R3HDM1: variants seen among roughly 807,000 people sequenced by gnomAD.
R3HDM1 encodes the protein R3H domain-containing protein 1.
In R3HDM1, 46 loss-of-function variants were observed where a neutral mutation model predicts 141.1. That is an observed-to-expected ratio of 0.33 (90% CI 0.26 to 0.42). The LOEUF is 0.42. R3HDM1 is among the 10% of genes least tolerant of loss of function. R3HDM1 has a pLI of 1.00. For synonymous variants in R3HDM1, 435 were observed against 472.9 expected, an observed-to-expected ratio of 0.92 and a Z score of 1.04; for missense variants, 1,184 against 1,368.3, an observed-to-expected ratio of 0.87 and a Z score of 2.12.
chr2:135,615,862 A>G (rs1269936459), intron 3 of R3HDM1, among the ~76,000 whole-genome samples: 1 of 152,224 alleles, frequency 6.6e-6, no homozygotes, highest in Admixed American at 6.5e-5. Flanking sequence ...AAGTCACCAT[A>G]TAAGTTCCAT....
At chr2:135,584,000 A>C (rs1707335523) in intron 1 of R3HDM1, 1 of 985,250 alleles carries the variant, frequency 1.0e-6, no homozygotes, top group Non-Finnish European at 1.2e-6. Context: ...GATAGCACAA[A>C]ATTTAAGGTG....
intron 20 of R3HDM1, among the ~76,000 whole-genome samples, chr2:135,676,301 G>T (rs1379213639): frequency 6.6e-6 from 1 of 151,980 alleles, no homozygotes; most frequent in Non-Finnish European, 1.5e-5. Context: ...TGGGCAACAG[G>T]CAGACTCCAT....
chr2:135,688,384 C>T (rs959201922), intron 21 of R3HDM1, among the ~76,000 whole-genome samples: 1 of 151,956 alleles, frequency 6.6e-6, no homozygotes, highest in Non-Finnish European at 1.5e-5. Flanking sequence ...AAATAACATC[C>T]GAAATAGATG....
At chr2:135,618,870 A>T (rs984547050) in intron 5 of R3HDM1, among the ~76,000 whole-genome samples, 18 of 151,996 alleles carry the variant, frequency 1.2e-4, no homozygotes, top group African/African-American at 4.3e-4. Context: ...AAATACAAAA[A>T]TTAGGCAGGT....
intron 1 of R3HDM1, among the ~76,000 whole-genome samples, chr2:135,545,782 T>C (rs910568832): frequency 2.0e-5 from 3 of 152,218 alleles, no homozygotes; most frequent in African/African-American, 7.2e-5. Flanking sequence ...AACACCAATC[T>C]TTAATCTCCA....
At chr2:135,622,540 T>G in intron 6 of R3HDM1, 114 bp from the exon 7 acceptor site, 1 of 1,355,668 alleles carries the variant, frequency 7.4e-7, no homozygotes, top group Non-Finnish European at 9.5e-7. Context: ...TGTCGAATTT[T>G]TTTCAATGTG....
At chr2:135,633,479 C>G (rs540428315) in intron 9 of R3HDM1, among the ~76,000 whole-genome samples, 2 of 152,062 alleles carry the variant, frequency 1.3e-5, no homozygotes, top group Admixed American at 6.6e-5. Context: ...CTGTCTTTAT[C>G]AAGATAATCA....
intron 19 of R3HDM1, among the ~76,000 whole-genome samples, chr2:135,666,015 A>G (rs1195936036): frequency 6.6e-6 from 1 of 152,240 alleles, no homozygotes; most frequent in African/African-American, 2.4e-5. Flanking sequence ...AACTTCAAAG[A>G]TTATCAATGT....
At position 135,661,229 on chromosome 2, in the gene R3HDM1, C is replaced by G. The variant is rs527287926; in HGVS notation, c.2029-41C>G. 345 of 1,608,782 alleles carry G rather than the reference C, an allele frequency of 2.1e-4. 4 individuals are homozygous for G. The South Asian group carries it at 3.1e-3, about 14-fold the overall frequency. Reference sequence around the variant, plus strand: ...TCCTCACAGAAAAACATATGTAATGCAAGTAAAATTGATTTTTTCCCGCAA... The same window carrying G: ...TCCTCACAGAAAAACATATGTAATGGAAGTAAAATTGATTTTTTCCCGCAA... On this transcript the variant is annotated intron_variant, in intron 18 of 26. Coordinates refer to ENST00000683871, the MANE Select transcript of R3HDM1 (RefSeq NM_001378107.1).
intron 19 of R3HDM1, among the ~76,000 whole-genome samples, chr2:135,662,536 A>G (rs1029533095): frequency 3.3e-5 from 5 of 152,132 alleles, no homozygotes; most frequent in Non-Finnish European, 5.9e-5. Context: ...CCTTTTTAGT[A>G]TGTTACTAGC....
intron 1 of R3HDM1, among the ~76,000 whole-genome samples, chr2:135,545,452 A>G (rs1407917625): frequency 2.0e-5 from 3 of 152,230 alleles, no homozygotes; most frequent in Non-Finnish European, 4.4e-5. Flanking sequence ...ATCTCTTGAC[A>G]TTCAAGCAAA....
In R3HDM1 at chr2:135,703,040, C is replaced by G. The variant is rs114867470; in HGVS notation, c.2460-6393C>G. On this transcript the variant is annotated intron_variant, in intron 21 of 26. Coordinates refer to ENST00000683871, the MANE Select transcript of R3HDM1 (RefSeq NM_001378107.1). ...GCGCTGGTCAGAATATGCCCCATCT[C>G]AAGATCAGTCATTCTCCAGGAGCAT... 2.4e-3 allele frequency among the ~76,000 whole-genome samples: 362 copies of G among 152,298 alleles called. 4 individuals are homozygous for G. The highest frequency in any genetic ancestry group is 8.3e-3 in the African/African-American group (346 of 41,556).
rs529674026 is a variant in R3HDM1 at position 135,551,408 on chromosome 2, T to C, written c.-250+19775T>C. Among the ~76,000 whole-genome samples, 503 of 152,298 alleles carry C rather than the reference T, an allele frequency of 3.3e-3. 5 individuals carry two copies. Among genetic ancestry groups the C allele is most frequent in the South Asian group, 7.9e-3 (38 of 4,832 alleles). On this transcript the variant is annotated intron_variant, in intron 1 of 26. Transcript: ENST00000683871. ...CGGGACCATTTAGCACAGAATAAAT[T>C]GTCCATGTACCTAGTAGAATGAAAA... is the stretch of plus-strand genomic sequence containing the variant.
At chr2:135,559,656 C>T (rs1245023651) in intron 1 of R3HDM1, among the ~76,000 whole-genome samples, 2 of 152,212 alleles carry the variant, frequency 1.3e-5, no homozygotes, top group South Asian at 2.1e-4. Context: ...CTCCTTCCTG[C>T]AGTAGGATCC....
At chr2:135,548,438 T>C (rs1469222727) in intron 1 of R3HDM1, among the ~76,000 whole-genome samples, 2 of 152,248 alleles carry the variant, frequency 1.3e-5, no homozygotes, top group Non-Finnish European at 2.9e-5. Context: ...CATATGCATT[T>C]AGAAAAATGC....
intron 5 of R3HDM1, chr2:135,619,791 A>G (rs966516743): frequency 2.3e-6 from 2 of 877,244 alleles, no homozygotes; most frequent in Non-Finnish European, 1.4e-6. Flanking sequence ...CATTATTCAA[A>G]AAGTTGAGAG....
intron 17 of R3HDM1, chr2:135,650,504 T>C: frequency 1.0e-6 from 1 of 981,868 alleles, no homozygotes; most frequent in Non-Finnish European, 1.2e-6. Context: ...CTTTCTTCTA[T>C]CCAAAGTATG....
At chr2:135,620,109 T>C (rs2061401445) in intron 5 of R3HDM1, 3 of 165,904 alleles carry the variant, frequency 1.8e-5, no homozygotes, top group Middle Eastern at 2.8e-3. Context: ...AATTAAAATA[T>C]ATGGCTTTTT....
intron 1 of R3HDM1, among the ~76,000 whole-genome samples, chr2:135,575,287 ATTC>A (rs1370002375): frequency 1.3e-5 from 2 of 152,158 alleles, no homozygotes; most frequent in Non-Finnish European, 1.5e-5. Flanking sequence ...GGTTCAAGCA[ATTC>A]TTCTGCCTCA....
Sources: allele counts gnomAD v4.1 joint callset (sites outside exome capture counted in the v4.1 genomes callset), GRCh38; gene constraint gnomAD v4.1.1; transcripts MANE v1.5; gene names NCBI Gene and HGNC (gene_info 2026-07-23, HGNC 2026-07-21).